NEBL: variants seen among roughly 807,000 people sequenced by gnomAD.
NEBL encodes the protein LIM and SH3 protein 2.
A neutral mutation model predicts 140.2 loss-of-function variants in NEBL; 122 were observed. That is an observed-to-expected ratio of 0.87 (90% CI 0.75 to 1.01). The LOEUF (loss-of-function observed/expected upper bound fraction) is 1.01. Among genes scored for constraint, NEBL ranks in the 50% least tolerant of loss-of-function variants. The pLI is 0.00. For missense variants in NEBL, 1,365 were observed against 1,231.3 expected (o/e 1.11, Z -1.62); for synonymous variants, 436 against 398.9 (o/e 1.09, Z -1.11).
At chr10:20,949,288 G>T (rs1835329739) in intron 4 of NEBL, among the ~76,000 whole-genome samples, 1 of 152,050 alleles carries the variant, frequency 6.6e-6, no homozygotes, top group Non-Finnish European at 1.5e-5. Context: ...ACACACTAGG[G>T]CCTGTTGGGG....
Position 20,810,443 on chromosome 10 carries a change from G to C in NEBL, c.2519-545C>G, listed in dbSNP as rs527694420. ...TGGTGGCAAGCCTAGTTTTCATTCT[G>C]AGTCTGTGAGTGCAAGCTAAGTGTA... is the stretch of plus-strand genomic sequence containing the variant. On this transcript the variant is annotated intron_variant, in intron 24 of 27. Coordinates refer to ENST00000377122, the MANE Select transcript of NEBL (RefSeq NM_006393.3). Among the ~76,000 whole-genome samples the C allele has an allele frequency of 2.6e-5, 4 of 152,302 alleles. No homozygotes were observed. In the South Asian group the frequency reaches 8.3e-4, roughly 32 times the overall value.
At chr10:21,068,626 G>C (rs1253563362) in intron 2 of NEBL, among the ~76,000 whole-genome samples, 1 of 152,132 alleles carries the variant, frequency 6.6e-6, no homozygotes, top group Non-Finnish European at 1.5e-5. Flanking sequence ...CGGACCCATG[G>C]GCTCTGGTCT....
At chr10:20,823,793 G>A (rs1324684974) in intron 18 of NEBL, among the ~76,000 whole-genome samples, 1 of 151,866 alleles carries the variant, frequency 6.6e-6, no homozygotes, top group Non-Finnish European at 1.5e-5. Flanking sequence ...ATTCCTTATA[G>A]AATAAGGAAA....
intron 26 of NEBL, among the ~76,000 whole-genome samples, 162 bp from the exon 27 acceptor site, chr10:20,787,470 G>C (rs761181591): frequency 2.6e-5 from 4 of 152,172 alleles, no homozygotes; most frequent in Non-Finnish European, 4.4e-5. Context: ...GTGATCTCTA[G>C]ATTAGTAGAA....
At chr10:21,019,987 C>A (rs1838719900) in intron 3 of NEBL, 2 of 798,648 alleles carry the variant, frequency 2.5e-6, no homozygotes, top group Admixed American at 3.6e-5. Context: ...AATTCCCACA[C>A]AGGCCTGCTT....
intron 2 of NEBL, among the ~76,000 whole-genome samples, chr10:21,103,480 T>G (rs1156464892): frequency 6.6e-6 from 1 of 152,184 alleles, no homozygotes; most frequent in Non-Finnish European, 1.5e-5. Flanking sequence ...CCCAAAGTTC[T>G]GGGATTACAG....
chr10:21,234,607 T>A (rs763586133), intron 3 of NEBL, among the ~76,000 whole-genome samples: 4 of 152,164 alleles, frequency 2.6e-5, no homozygotes, highest in Non-Finnish European at 5.9e-5. Context: ...ACACAGACCC[T>A]GCTTTCCATT....
At position 20,817,673 on chromosome 10, in the gene NEBL, A is replaced by C. The variant is rs776860938; in HGVS notation, c.2075T>G (p.Leu692Arg). 1 of 1,613,392 alleles carries C rather than the reference A, an allele frequency of 6.2e-7. No individual in the cohort carries two copies. Residue 692 changes from leucine (L) to arginine (R), a missense_variant, in exon 21 of 28, where the codon CTT (leucine) becomes CGT (arginine). This residue lies in a region of NEBL where 1,323 missense variants were observed against 1,154.8 expected (regional missense o/e 1.15). Transcript: ENST00000377122. The part of the protein sequence containing the change: ...QLSAVKYKGE[L>R]QRGTAISDPP... Reference sequence around the variant, plus strand: ...ATCAGAAATTGCAGTTCCCCGTTGAAGTTCTCCCTTATATTTTACCTAAGA... The same window carrying C: ...ATCAGAAATTGCAGTTCCCCGTTGACGTTCTCCCTTATATTTTACCTAAGA...
exon 3 of NEBL, chr10:21,020,193 G>A (rs764529501): frequency 3.7e-6 from 6 of 1,613,934 alleles, no homozygotes; most frequent in Non-Finnish European, 3.4e-6. Flanking sequence ...GGACTGCTTC[G>A]GGTAGTGTCT....
intron 4 of NEBL, among the ~76,000 whole-genome samples, chr10:20,937,625 C>A (rs532418613): frequency 6.6e-6 from 1 of 152,134 alleles, no homozygotes; most frequent in Non-Finnish European, 1.5e-5. Context: ...CAAGCGTGAG[C>A]TGAAGCAGGG....
chr10:21,275,072 A>G (rs1842903173), intron 1 of NEBL, among the ~76,000 whole-genome samples: 1 of 152,086 alleles, frequency 6.6e-6, no homozygotes, highest in Non-Finnish European at 1.5e-5. Context: ...TCTGCCCACC[A>G]CCATGCAAGT....
chr10:20,813,326 G>T (rs545302596), intron 23 of NEBL, among the ~76,000 whole-genome samples: 1 of 151,656 alleles, frequency 6.6e-6, no homozygotes, highest in African/African-American at 2.4e-5. Flanking sequence ...TCTATTTCCA[G>T]GCAATCATTC....
At chr10:21,110,137 A>T (rs1837925231) in intron 2 of NEBL, among the ~76,000 whole-genome samples, 1 of 152,082 alleles carries the variant, frequency 6.6e-6, no homozygotes, top group South Asian at 2.1e-4. Context: ...TCCTGTGGAC[A>T]ATGTTCATTT....
At chr10:21,252,639 G>A (rs1842601183) in intron 1 of NEBL, among the ~76,000 whole-genome samples, 1 of 152,124 alleles carries the variant, frequency 6.6e-6, no homozygotes, top group Non-Finnish European at 1.5e-5. Context: ...GCATATACAA[G>A]TAGAATATCT....
chr10:21,021,577 C>T (rs1307905034), intron 2 of NEBL, among the ~76,000 whole-genome samples: 1 of 152,182 alleles, frequency 6.6e-6, no homozygotes, highest in Admixed American at 6.5e-5. Context: ...ATCCTACTGC[C>T]CATTTTTTAT....
intron 12 of NEBL, 41 bp downstream of exon 12, chr10:20,845,217 C>G: frequency 1.5e-6 from 2 of 1,298,736 alleles, no homozygotes; most frequent in Non-Finnish European, 2.2e-6. Context: ...TTTTTCTTTA[C>G]TTTTCTTCAT....
At chr10:21,203,503 G>T (rs1278293098) in intron 3 of NEBL, among the ~76,000 whole-genome samples, 1 of 152,196 alleles carries the variant, frequency 6.6e-6, no homozygotes, top group African/African-American at 2.4e-5. Context: ...GTGGCCAGCA[G>T]ATAATTTTCT....
At chr10:21,050,373 C>A (rs114144131) in intron 2 of NEBL, among the ~76,000 whole-genome samples, 1 of 152,096 alleles carries the variant, frequency 6.6e-6, no homozygotes, top group East Asian at 1.9e-4. Context: ...TCACAGCCAA[C>A]GTGTAAAATC....
chr10:20,996,069 G>A (rs971913803), intron 3 of NEBL, among the ~76,000 whole-genome samples: 1 of 152,096 alleles, frequency 6.6e-6, no homozygotes, highest in Non-Finnish European at 1.5e-5. Flanking sequence ...GCGCGTTCTG[G>A]CTCCTAACTC....
Sources: allele counts gnomAD v4.1 joint callset (sites outside exome capture counted in the v4.1 genomes callset), GRCh38; gene constraint gnomAD v4.1.1; regional missense constraint gnomAD v4.1.1; transcripts MANE v1.5; gene names NCBI Gene and HGNC (gene_info 2026-07-23, HGNC 2026-07-21).